The following PARVA variants were observed in gnomAD, a reference collection of about 807,000 sequenced individuals.
The protein encoded by PARVA is parvin alpha, also known as alpha-parvin.
In PARVA, 25 loss-of-function variants were observed where a neutral mutation model predicts 52.6. That is an observed-to-expected ratio of 0.48 (90% CI 0.35 to 0.66). The LOEUF (loss-of-function observed/expected upper bound fraction) is 0.66, where lower values mean the gene tolerates loss of function less well. Among genes scored for constraint, PARVA ranks in the 30% least tolerant of loss-of-function variants. The pLI, the probability that PARVA is intolerant of heterozygous loss-of-function variation, is 0.01. For missense variants in PARVA, 373 were observed against 450.9 expected (o/e 0.83, Z 1.56); for synonymous variants, 185 against 179.1 (o/e 1.03, Z -0.26).
chr11:12,479,129 A>G (rs1314424465), intron 4 of PARVA: 3 of 152,188 alleles, frequency 2.0e-5, no homozygotes. Context: ...CTGCATTTTT[A>G]TATATGCCAC....
chr11:12,478,349 G>A (rs1033969735), intron 4 of PARVA: 1 of 339,704 alleles, frequency 2.9e-6, no homozygotes, highest in South Asian at 2.4e-5. Context: ...AGATGCATGT[G>A]TGTGTGTTCC....
chr11:12,508,746 G>A (rs1941466785), intron 7 of PARVA, 104 bp downstream of exon 7: 8 of 912,272 alleles, frequency 8.8e-6, no homozygotes, highest in African/African-American at 8.3e-5. Flanking sequence ...TGGGATTGCA[G>A]GAGGGATTAG....
At chr11:12,464,227 G>A (rs1940824180) in intron 1 of PARVA, among the ~76,000 whole-genome samples, 1 of 146,928 alleles carries the variant, frequency 6.8e-6, no homozygotes, top group African/African-American at 2.7e-5. Flanking sequence ...GAAATACTTA[G>A]AGAGATATAC....
At chr11:12,452,031 C>A (rs1478288406) in intron 1 of PARVA, among the ~76,000 whole-genome samples, 1 of 151,884 alleles carries the variant, frequency 6.6e-6, no homozygotes, top group African/African-American at 2.4e-5. Flanking sequence ...GTGAAGTACC[C>A]CAGATAGTCT....
At chr11:12,475,276 C>T (rs1023119788) in intron 3 of PARVA, among the ~76,000 whole-genome samples, 23 of 152,206 alleles carry the variant, frequency 1.5e-4, no homozygotes, top group Non-Finnish European at 2.8e-4. Flanking sequence ...AGTCTCAGCA[C>T]GGCTGCTTGC....
At chr11:12,513,960 A>G in intron 9 of PARVA, 37 bp from the exon 10 acceptor site, 2 of 1,569,420 alleles carry the variant, frequency 1.3e-6, no homozygotes, top group Non-Finnish European at 1.8e-6. Context: ...CACTAGTGCG[A>G]GTCCCCAGCT....
At chr11:12,485,526 G>A (rs564104111) in intron 4 of PARVA, among the ~76,000 whole-genome samples, 1 of 152,180 alleles carries the variant, frequency 6.6e-6, no homozygotes, top group African/African-American at 2.4e-5. Flanking sequence ...ACCTGAGGGA[G>A]CTCCCAGTGG....
intron 1 of PARVA, chr11:12,453,042 G>A (rs1477754779): frequency 2.2e-6 from 1 of 456,414 alleles, no homozygotes; most frequent in Non-Finnish European, 4.4e-6. Context: ...GTAGGTCAGA[G>A]CCTGGACAAA....
chr11:12,420,908 C>T (rs1053006563), intron 1 of PARVA, among the ~76,000 whole-genome samples: 1 of 152,134 alleles, frequency 6.6e-6, no homozygotes, highest in African/African-American at 2.4e-5. Context: ...CACACCACCC[C>T]ACCCAGCGAG....
intron 5 of PARVA, among the ~76,000 whole-genome samples, chr11:12,499,364 C>G (rs1168538333): frequency 6.6e-6 from 1 of 151,882 alleles, no homozygotes; most frequent in Non-Finnish European, 1.5e-5. Context: ...CGCCTCTCCG[C>G]TCAGGATGAG....
At chr11:12,397,677 A>G (rs956549335) in intron 1 of PARVA, among the ~76,000 whole-genome samples, 3 of 152,120 alleles carry the variant, frequency 2.0e-5, no homozygotes, top group African/African-American at 7.2e-5. Context: ...TTAGCCACAC[A>G]TTTTTAGGCA....
chr11:12,396,730 C>T (rs918371426), intron 1 of PARVA, among the ~76,000 whole-genome samples: 4 of 152,198 alleles, frequency 2.6e-5, no homozygotes, highest in Non-Finnish European at 4.4e-5. Flanking sequence ...GGTATTATGA[C>T]TTCTATGTGT....
intron 4 of PARVA, among the ~76,000 whole-genome samples, chr11:12,492,563 A>C (rs563992598): frequency 3.9e-5 from 6 of 152,324 alleles, no homozygotes; most frequent in African/African-American, 1.4e-4. Flanking sequence ...TTATATTTTA[A>C]GGGTTGAATA....
At chr11:12,487,461 G>T (rs1161397336) in intron 4 of PARVA, among the ~76,000 whole-genome samples, 1 of 152,178 alleles carries the variant, frequency 6.6e-6, no homozygotes, top group Non-Finnish European at 1.5e-5. Flanking sequence ...GCCATATGCA[G>T]CTGTTAAAAG....
intron 1 of PARVA, among the ~76,000 whole-genome samples, chr11:12,421,514 C>G (rs2134984791): frequency 6.6e-6 from 1 of 152,212 alleles, no homozygotes; most frequent in East Asian, 1.9e-4. Context: ...TTGCAGAGTA[C>G]AGTTTTGCTG....
At chr11:12,389,560 A>T (rs1589938235) in intron 1 of PARVA, among the ~76,000 whole-genome samples, 1 of 152,310 alleles carries the variant, frequency 6.6e-6, no homozygotes, top group East Asian at 1.9e-4. Context: ...CAGTAGAAGC[A>T]TTTAGGTGGA....
intron 8 of PARVA, 119 bp downstream of exon 8, chr11:12,511,652 C>T (rs1941503993): frequency 9.2e-7 from 1 of 1,083,250 alleles, no homozygotes; most frequent in Non-Finnish European, 1.4e-6. Context: ...CTTCACCAGC[C>T]TGGGTGACAT....
intron 4 of PARVA, among the ~76,000 whole-genome samples, chr11:12,491,997 A>G (rs1187970294): frequency 1.3e-5 from 2 of 152,230 alleles, no homozygotes; most frequent in Non-Finnish European, 1.5e-5. Flanking sequence ...CTCTCCTAAT[A>G]TACTTGGAGA....
chr11:12,467,655 T>C (rs1363142626), intron 1 of PARVA, among the ~76,000 whole-genome samples: 4 of 152,182 alleles, frequency 2.6e-5, no homozygotes, highest in Non-Finnish European at 4.4e-5. Flanking sequence ...ATTTAGAAAT[T>C]AAGGGAGCTT....
Sources: gnomAD v4.1 joint callset for allele counts (sites outside exome capture counted in the v4.1 genomes callset) on GRCh38, gnomAD v4.1.1 for gene constraint, MANE v1.5 for transcripts, NCBI Gene and HGNC (gene_info 2026-07-23, HGNC 2026-07-21) for gene names.